The following ACADL variants were observed in gnomAD, a reference collection of about 807,000 sequenced individuals.
The protein encoded by ACADL is long-chain specific acyl-CoA dehydrogenase, mitochondrial.
In ACADL, 60 loss-of-function variants were observed where a neutral mutation model predicts 56.9. That is an observed-to-expected ratio of 1.05 (90% CI 0.86 to 1.31). The LOEUF (loss-of-function observed/expected upper bound fraction) is 1.31, where lower values mean the gene tolerates loss of function less well. Ranked by LOEUF, ACADL falls within the 50% of genes most tolerant of loss-of-function variation. The pLI is 0.00. For synonymous variants in ACADL, 158 were observed against 179.7 expected, an observed-to-expected ratio of 0.88 and a Z score of 0.97; for missense variants, 484 against 525.5, an observed-to-expected ratio of 0.92 and a Z score of 0.77.
intron 7 of ACADL, 127 bp downstream of exon 7, chr2:210,204,454 T>C: frequency 1.4e-6 from 1 of 722,172 alleles, no homozygotes; most frequent in Non-Finnish European, 2.4e-6. Flanking sequence ...AATACTCAAA[T>C]GATTAGCTAT....
At chr2:210,191,619 A>G (rs1438055144) in intron 10 of ACADL, among the ~76,000 whole-genome samples, 4 of 152,194 alleles carry the variant, frequency 2.6e-5, no homozygotes, top group African/African-American at 9.7e-5. Flanking sequence ...AATGTTTCCA[A>G]TTATACTTAC....
At chr2:210,212,117 G>A (rs1395645882) in intron 4 of ACADL, among the ~76,000 whole-genome samples, 1 of 150,312 alleles carries the variant, frequency 6.7e-6, no homozygotes, top group South Asian at 2.1e-4. Flanking sequence ...ACAGGCGTGA[G>A]CCACCGCACC....
At position 210,210,255 on chromosome 2, in the gene ACADL, G is replaced by A; in HGVS notation, c.544C>T (p.Gln182Ter). Residue 182 changes from glutamine (Q) to a stop codon, truncating the protein, a stop_gained, in exon 5 of 11, where the codon CAG becomes TAG. Coordinates refer to ENST00000233710, the MANE Select transcript of ACADL (RefSeq NM_001608.4). LOFTEE classifies it high-confidence loss of function. ...TTTTTAGCATTTGTTTTTATTCCCT[G>A]TAAGTCACTGTAATTGAAAGAAAAG... is the stretch of plus-strand genomic sequence containing the variant. The part of the protein sequence containing the change: ...MTEPGAGSDL[Q>*]GIKTNAKKDG... 1.2e-6 allele frequency: 2 copies of A among 1,605,916 alleles called. No homozygotes were observed. Among genetic ancestry groups the A allele is most frequent in the African/African-American group, 1.3e-5 (1 of 74,810 alleles).
Position 210,199,011 on chromosome 2 carries a change from A to T in ACADL, c.985-3673T>A, listed in dbSNP as rs993201733. On this transcript the variant is annotated intron_variant, in intron 8 of 10. Coordinates refer to ENST00000233710, the MANE Select transcript of ACADL (RefSeq NM_001608.4). Reference sequence around the variant, plus strand: ...TTTCAACTGGTCAGAAAGCCCCAAAATGTCCAAAATTCAAGGATAACAAAG... The same window carrying T: ...TTTCAACTGGTCAGAAAGCCCCAAATTGTCCAAAATTCAAGGATAACAAAG... 2.6e-5 allele frequency among the ~76,000 whole-genome samples: 4 copies of T among 152,252 alleles called. No individual in the cohort carries two copies. The South Asian group carries it at 8.3e-4, about 32-fold the overall frequency.
chr2:210,212,264 A>T (rs1688995980), intron 4 of ACADL, among the ~76,000 whole-genome samples: 1 of 151,978 alleles, frequency 6.6e-6, no homozygotes, highest in South Asian at 2.1e-4. Flanking sequence ...TAATTTAAGG[A>T]TGTTGTGATA....
chr2:210,211,790 G>A (rs1334567968), intron 4 of ACADL, among the ~76,000 whole-genome samples: 1 of 151,086 alleles, frequency 6.6e-6, no homozygotes, highest in Non-Finnish European at 1.5e-5. Context: ...CAAAAACTGA[G>A]TAATAAATAC....
intron 4 of ACADL, among the ~76,000 whole-genome samples, chr2:210,214,228 T>C (rs1421647806): frequency 6.6e-6 from 1 of 152,128 alleles, no homozygotes; most frequent in Non-Finnish European, 1.5e-5. Flanking sequence ...AATCCATCTC[T>C]GAGGGCAGGC....
rs944804804 is a variant in ACADL, at chr2:210,205,569, G to C, written c.768+63C>G. 40 of 1,522,584 alleles carry C rather than the reference G, an allele frequency of 2.6e-5. No individual in the cohort carries two copies. In the South Asian group the frequency reaches 3.4e-4, roughly 13 times the overall value. 94.3% of individuals were successfully genotyped at this position (1,522,584 alleles called of 1,614,324 possible). On this transcript the variant is annotated intron_variant, in intron 6 of 10. Transcript: ENST00000233710. ...GTGCCACATGTAATCCTCTATGTAA[G>C]TCTCCTATCTGATTAACAGTAAACT...
chr2:210,192,897 G>T lies in ACADL; in HGVS notation c.1113-7C>A. The T allele has an allele frequency of 1.2e-6, 2 of 1,610,180 alleles. No homozygotes were observed. Among genetic ancestry groups the T allele is most frequent in the East Asian group, 2.2e-5 (1 of 44,782 alleles). On this transcript the variant is annotated splice_region_variant and splice_polypyrimidine_tract_variant and intron_variant, in intron 9 of 10. Coordinates refer to ENST00000233710, the MANE Select transcript of ACADL (RefSeq NM_001608.4). ...ATTTTGTAACTCAGATGCCCTAAAT[G>T]ACCAAAATAAAAGGCAGAAAAGAAA...
chr2:210,215,373 A>C (rs1180635487), intron 4 of ACADL, among the ~76,000 whole-genome samples: 2 of 151,964 alleles, frequency 1.3e-5, no homozygotes, highest in African/African-American at 4.8e-5. Context: ...CATTCTCAAC[A>C]TCACGGTGGC....
intron 4 of ACADL, among the ~76,000 whole-genome samples, chr2:210,215,287 C>T (rs375778881): frequency 1.3e-5 from 2 of 152,016 alleles, no homozygotes; most frequent in Admixed American, 6.6e-5. Flanking sequence ...CCACCTCACT[C>T]CCATAAAAGG....
At chr2:210,191,986 C>T (rs1296960353) in intron 10 of ACADL, among the ~76,000 whole-genome samples, 1 of 152,026 alleles carries the variant, frequency 6.6e-6, no homozygotes, top group Non-Finnish European at 1.5e-5. Context: ...AGTACTGCTT[C>T]AAACTGATAA....
intron 4 of ACADL, among the ~76,000 whole-genome samples, chr2:210,212,500 C>G (rs1041948533): frequency 6.6e-6 from 1 of 152,014 alleles, no homozygotes; most frequent in African/African-American, 2.4e-5. Flanking sequence ...GTGTGGCCCT[C>G]CTGATACCTT....
At chr2:210,221,618 C>A (rs1689176522) in intron 1 of ACADL, among the ~76,000 whole-genome samples, 1 of 152,042 alleles carries the variant, frequency 6.6e-6, no homozygotes, top group Non-Finnish European at 1.5e-5. Context: ...TTGGACTCTG[C>A]CTTTTCTTTT....
At chr2:210,224,884 G>A in intron 1 of ACADL, 1 of 1,200,734 alleles carries the variant, frequency 8.3e-7, no homozygotes, top group Non-Finnish European at 1.0e-6. Flanking sequence ...CGCTGAACTA[G>A]ACGGGTTGGA....
At chr2:210,224,718 G>T (rs1455128253) in intron 1 of ACADL, 1 of 987,474 alleles carries the variant, frequency 1.0e-6, no homozygotes, top group Non-Finnish European at 1.2e-6. Context: ...CTGAGTCCGG[G>T]TCCCAAGTTC....
intron 3 of ACADL, 40 bp from the exon 4 acceptor site, chr2:210,216,551 G>A (rs771675495): frequency 5.7e-5 from 88 of 1,537,480 alleles, no homozygotes; most frequent in Admixed American, 2.8e-4. Context: ...GCATAAAATA[G>A]CAATAAAAAA....
At chr2:210,222,230 A>T (rs1356332846) in intron 1 of ACADL, among the ~76,000 whole-genome samples, 8 of 152,240 alleles carry the variant, frequency 5.3e-5, no homozygotes, top group Non-Finnish European at 8.8e-5. Context: ...AGGGAAACTG[A>T]ATAAACAATA....
chr2:210,195,200 A>G lies in ACADL; in HGVS notation c.1112+11T>C. ...GCACACACCGCACTCTAATTACTGT[A>G]GCATGCATACCAATATTTCGCCATG... is the stretch of plus-strand genomic sequence containing the variant. On this transcript the variant is annotated intron_variant, in intron 9 of 10. Coordinates refer to ENST00000233710, the MANE Select transcript of ACADL (RefSeq NM_001608.4). 3.1e-6 allele frequency: 5 copies of G among 1,613,816 alleles called. No homozygotes were observed. The highest frequency in any genetic ancestry group is 1.1e-5 in the South Asian group (1 of 91,082).
Sources: allele counts gnomAD v4.1 joint callset (sites outside exome capture counted in the v4.1 genomes callset), GRCh38; gene constraint gnomAD v4.1.1; transcripts MANE v1.5; gene names NCBI Gene and HGNC (gene_info 2026-07-23, HGNC 2026-07-21).